The following C12orf42 variants were observed in gnomAD, a reference collection of about 807,000 sequenced individuals.
C12orf42 encodes the protein uncharacterized protein C12orf42.
Under a neutral mutation model 21.6 loss-of-function variants are expected in C12orf42, and 25 were observed. The ratio of observed to expected loss-of-function variants is 1.16; its 90% CI spans 0.84 to 1.62. C12orf42 has a LOEUF of 1.62. Ranked by LOEUF, C12orf42 falls within the 40% of genes most tolerant of loss-of-function variation. The probability of loss-of-function intolerance (pLI) is 0.00; values close to 1 mark genes in which losing one functional copy is unlikely to be tolerated. For synonymous variants in C12orf42, 174 were observed against 175.0 expected (o/e 0.99, Z 0.05); for missense variants, 483 against 459.3 (o/e 1.05, Z -0.47).
chr12:103,336,900 G>T (rs976400761), intron 4 of C12orf42, among the ~76,000 whole-genome samples: 1 of 152,106 alleles, frequency 6.6e-6, no homozygotes, highest in African/African-American at 2.4e-5. Flanking sequence ...TGAACAAAGG[G>T]TTCTCAAGGT....
the C12orf42 span, chr12:103,159,676 A>C: frequency 1.3e-5 from 2 of 152,182 alleles, no homozygotes. Context: ...TTTGCCATCC[A>C]TTTAATTTCC....
At chr12:103,444,161 T>C (rs1018235631) in intron 2 of C12orf42, among the ~76,000 whole-genome samples, 32 of 152,106 alleles carry the variant, frequency 2.1e-4, no homozygotes, top group African/African-American at 7.7e-4. Flanking sequence ...TAATTATTAA[T>C]GCCAACTTTG....
At chr12:103,376,879 C>T (rs560642460) in intron 3 of C12orf42, among the ~76,000 whole-genome samples, 2 of 151,980 alleles carry the variant, frequency 1.3e-5, no homozygotes, top group Admixed American at 1.3e-4. Context: ...CCTCTGTGTT[C>T]TCATTCTCTC....
At chr12:103,434,885 G>A (rs963162999) in intron 2 of C12orf42, among the ~76,000 whole-genome samples, 1 of 152,212 alleles carries the variant, frequency 6.6e-6, no homozygotes, top group African/African-American at 2.4e-5. Flanking sequence ...AGCTCGAACT[G>A]GGTGGAGCCC....
At chr12:103,541,660 C>CA in the C12orf42 span, among the ~76,000 whole-genome samples, 198 of 150,716 alleles carry the variant, frequency 1.3e-3, 1 homozygote, top group Middle Eastern at 3.4e-3. Context: ...TGTGTACTTA[C>CA]AAAAAAAAAG....
chr12:103,471,027 T>A (rs552851253), intron 2 of C12orf42, among the ~76,000 whole-genome samples: 2 of 152,296 alleles, frequency 1.3e-5, no homozygotes, highest in East Asian at 3.9e-4. Flanking sequence ...AATAAAATGA[T>A]TGTTGTTTTA....
the C12orf42 span, among the ~76,000 whole-genome samples, chr12:103,187,697 T>G: frequency 6.6e-6 from 1 of 152,146 alleles, no homozygotes; most frequent in Non-Finnish European, 1.5e-5. Context: ...ATGTCCTAAG[T>G]TAAAAAAAAG....
At chr12:103,336,670 T>C (rs921990141) in intron 4 of C12orf42, among the ~76,000 whole-genome samples, 1 of 152,212 alleles carries the variant, frequency 6.6e-6, no homozygotes. Flanking sequence ...TAAGGAACTG[T>C]TAATAAACAC....
chr12:103,487,704 A>C (rs1348306652), intron 1 of C12orf42, among the ~76,000 whole-genome samples: 1 of 152,164 alleles, frequency 6.6e-6, no homozygotes, highest in African/African-American at 2.4e-5. Flanking sequence ...CTTTACCATT[A>C]TATAATGGCC....
At chr12:103,049,007 G>T in the C12orf42 span, among the ~76,000 whole-genome samples, 1,646 of 152,256 alleles carry the variant, frequency 0.011, 12 homozygotes, top group South Asian at 0.019. Context: ...CACAGGATAG[G>T]TTTCGTCCTT....
intron 4 of C12orf42, among the ~76,000 whole-genome samples, chr12:103,294,176 A>G (rs2036995164): frequency 6.6e-6 from 1 of 152,100 alleles, no homozygotes; most frequent in Admixed American, 6.6e-5. Flanking sequence ...GGTTGAGTTG[A>G]ATCAAATTTC....
chr12:103,501,315 G>A, the C12orf42 span, among the ~76,000 whole-genome samples: 1 of 152,206 alleles, frequency 6.6e-6, no homozygotes, highest in Non-Finnish European at 1.5e-5. Flanking sequence ...GATCAGAGTA[G>A]CAATGGTTGG....
intron 2 of C12orf42, among the ~76,000 whole-genome samples, chr12:103,460,993 T>A (rs1437595314): frequency 2.0e-5 from 3 of 152,184 alleles, no homozygotes; most frequent in African/African-American, 7.2e-5. Flanking sequence ...AGATTTGTTG[T>A]AGAACAACTT....
chr12:103,305,494 G>A (rs1367040619), intron 5 of C12orf42, among the ~76,000 whole-genome samples: 3 of 152,096 alleles, frequency 2.0e-5, no homozygotes, highest in Non-Finnish European at 4.4e-5. Flanking sequence ...GGAGAGAGTC[G>A]ATATTTGAGC....
chr12:103,522,896 C>T, the C12orf42 span, among the ~76,000 whole-genome samples: 2 of 152,222 alleles, frequency 1.3e-5, no homozygotes, highest in Non-Finnish European at 2.9e-5. Flanking sequence ...CAGTCAGAGG[C>T]TACTCTGCTA....
intron 4 of C12orf42, chr12:103,349,140 G>A (rs2042884125): frequency 6.6e-6 from 1 of 152,180 alleles, no homozygotes; most frequent in African/African-American, 2.4e-5. Flanking sequence ...GAAGTCTGCT[G>A]AGAACTTCTG....
the C12orf42 span, among the ~76,000 whole-genome samples, chr12:103,219,214 A>G: frequency 6.6e-6 from 1 of 152,226 alleles, no homozygotes; most frequent in Non-Finnish European, 1.5e-5. Context: ...CATATGCAGA[A>G]AACTGAAACT....
At chr12:103,488,747 T>C (rs1565904499) in intron 1 of C12orf42, among the ~76,000 whole-genome samples, 1 of 152,244 alleles carries the variant, frequency 6.6e-6, no homozygotes, top group African/African-American at 2.4e-5. Context: ...GAATTGGCTA[T>C]TGAAGCTTGT....
the C12orf42 span, among the ~76,000 whole-genome samples, chr12:103,132,623 C>T: frequency 3.9e-5 from 6 of 152,192 alleles, no homozygotes; most frequent in Non-Finnish European, 8.8e-5. Context: ...ACCTGCATCT[C>T]CACATCTCTG....
Sources: gnomAD v4.1 joint callset for allele counts (sites outside exome capture counted in the v4.1 genomes callset) on GRCh38, gnomAD v4.1.1 for gene constraint, MANE v1.5 for transcripts, NCBI Gene and HGNC (gene_info 2026-07-23, HGNC 2026-07-21) for gene names.